The following RBFOX1 variants were observed in gnomAD, a reference collection of about 807,000 sequenced individuals.
RBFOX1 encodes the protein RNA binding protein fox-1 homolog 1.
A neutral mutation model predicts 57.7 loss-of-function variants in RBFOX1; 8 were observed. The ratio of observed to expected loss-of-function variants is 0.14; its 90% CI spans 0.08 to 0.25. The LOEUF (loss-of-function observed/expected upper bound fraction) is 0.25. Ranked by LOEUF, RBFOX1 falls within the 10% of genes least tolerant of loss-of-function variation. The pLI, the probability that RBFOX1 is intolerant of heterozygous loss-of-function variation, is 1.00. For synonymous variants in RBFOX1, 326 were observed against 222.4 expected (o/e 1.47, Z -4.15); for missense variants, 611 against 548.5 (o/e 1.11, Z -1.14).
intron 3 of RBFOX1, among the ~76,000 whole-genome samples, chr16:5,616,980 C>G (rs900704472): frequency 2.6e-5 from 4 of 150,986 alleles, no homozygotes; most frequent in African/African-American, 9.8e-5. Flanking sequence ...TTATTTGTTC[C>G]AAGTGAAACT....
chr16:7,337,920 T>A (rs548804137), intron 4 of RBFOX1, among the ~76,000 whole-genome samples: 1 of 152,344 alleles, frequency 6.6e-6, no homozygotes, highest in South Asian at 2.1e-4. Flanking sequence ...CTTGACCTCA[T>A]GATCTGCCCG....
chr16:6,715,591 T>C (rs1344871849), intron 3 of RBFOX1, among the ~76,000 whole-genome samples: 4 of 152,158 alleles, frequency 2.6e-5, no homozygotes, highest in Admixed American at 6.5e-5. Context: ...AGAATCCAGA[T>C]TGGCTGAGCT....
chr16:6,761,871 C>G (rs2076658546), intron 3 of RBFOX1, among the ~76,000 whole-genome samples: 1 of 152,038 alleles, frequency 6.6e-6, no homozygotes, highest in South Asian at 2.1e-4. Flanking sequence ...ATCTCTCATT[C>G]CAAGCAGGTA....
chr16:6,649,910 G>T (rs1055408637), intron 2 of RBFOX1, among the ~76,000 whole-genome samples: 2 of 152,040 alleles, frequency 1.3e-5, no homozygotes, highest in Admixed American at 1.3e-4. Context: ...TCTACTTGTG[G>T]ATTGGTGGGC....
At chr16:6,421,646 C>G (rs1543887) in intron 2 of RBFOX1, among the ~76,000 whole-genome samples, 4 of 152,014 alleles carry the variant, frequency 2.6e-5, no homozygotes, top group African/African-American at 7.2e-5. Context: ...ACGAATGACA[C>G]TGGCACAGAA....
intron 2 of RBFOX1, among the ~76,000 whole-genome samples, chr16:5,516,978 C>G (rs2043815171): frequency 6.6e-6 from 1 of 151,724 alleles, no homozygotes; most frequent in Admixed American, 6.6e-5. Flanking sequence ...TAATACGACT[C>G]TTCTCCTGAC....
At chr16:7,012,930 T>G (rs2093721535) in intron 3 of RBFOX1, among the ~76,000 whole-genome samples, 1 of 152,116 alleles carries the variant, frequency 6.6e-6, no homozygotes, top group South Asian at 2.1e-4. Context: ...CAGGTCCTGG[T>G]GGAGGCTCTC....
intron 11 of RBFOX1, among the ~76,000 whole-genome samples, chr16:7,639,083 CTT>C (rs1318330031): frequency 1.3e-4 from 20 of 152,158 alleles, no homozygotes; most frequent in South Asian, 4.1e-4. Flanking sequence ...ATGATCTTGA[CTT>C]AAATTTGATC....
At chr16:5,871,502 C>T (rs1046305081) in intron 4 of RBFOX1, among the ~76,000 whole-genome samples, 2 of 152,198 alleles carry the variant, frequency 1.3e-5, no homozygotes, top group African/African-American at 4.8e-5. Context: ...ATCATTAAGC[C>T]TGTTTTATCG....
rs1043067457 is a variant in RBFOX1, at chr16:7,423,183, C to G, written c.28-94964C>G. Among the ~76,000 whole-genome samples the G allele has an allele frequency of 3.3e-5, 5 of 152,040 alleles. No individual in the cohort carries two copies. In the South Asian group the frequency reaches 8.3e-4, roughly 25 times the overall value. On this transcript the variant is annotated intron_variant, in intron 4 of 15. Coordinates refer to ENST00000550418, the MANE Select transcript of RBFOX1 (RefSeq NM_018723.4). ...AGCCCTGCTGTATTTTAATCATAGA[C>G]TTGGCCTTCTTTTAGGAGTGACCCA...
Position 6,572,870 on chromosome 16 carries a change from A to C in RBFOX1, c.-63-81733A>C, listed in dbSNP as rs527637274. ...TCGCCTCCCAAAGTGTTGGGATTTC[A>C]GGAGTGATCCCGCATGCCCAGCCAT... On this transcript the variant is annotated intron_variant, in intron 2 of 15. Coordinates refer to ENST00000550418, the MANE Select transcript of RBFOX1 (RefSeq NM_018723.4). 1.6e-4 allele frequency among the ~76,000 whole-genome samples: 24 copies of C among 152,258 alleles called. No individual in the cohort carries two copies. In the East Asian group the frequency reaches 4.6e-3, roughly 29 times the overall value.
At chr16:7,001,815 T>C (rs2092834167) in intron 3 of RBFOX1, among the ~76,000 whole-genome samples, 1 of 152,194 alleles carries the variant, frequency 6.6e-6, no homozygotes, top group African/African-American at 2.4e-5. Context: ...TGGGAGATTT[T>C]GTGAACATCT....
At position 6,987,476 on chromosome 16, in the gene RBFOX1, C is replaced by G. The variant is rs1290175151; in HGVS notation, c.-15-64581C>G. Reference sequence around the variant, plus strand: ...TTTCAGACACACACACACACACACACACACACACACACACACACACACACA... The same window carrying G: ...TTTCAGACACACACACACACACACAGACACACACACACACACACACACACA... On this transcript the variant is annotated intron_variant, in intron 3 of 15. Coordinates refer to ENST00000550418, the MANE Select transcript of RBFOX1 (RefSeq NM_018723.4). 2.6e-5 allele frequency among the ~76,000 whole-genome samples: 3 copies of G among 114,878 alleles called. No individual in the cohort carries two copies. In the East Asian group the frequency reaches 1.1e-3, roughly 42 times the overall value. 75.4% of individuals were successfully genotyped at this position (114,878 alleles called of 152,430 possible).
intron 4 of RBFOX1, among the ~76,000 whole-genome samples, chr16:7,386,342 C>T (rs983728477): frequency 1.3e-5 from 2 of 152,102 alleles, no homozygotes; most frequent in African/African-American, 4.8e-5. Flanking sequence ...ATCACCCCGT[C>T]ATCTACATTA....
At chr16:6,480,501 C>A (rs903617676) in intron 2 of RBFOX1, among the ~76,000 whole-genome samples, 2 of 152,170 alleles carry the variant, frequency 1.3e-5, no homozygotes, top group South Asian at 4.1e-4. Flanking sequence ...AAATATTATT[C>A]TTCTTTTGAC....
chr16:5,763,916 C>A (rs1010343977), intron 3 of RBFOX1, among the ~76,000 whole-genome samples: 3 of 152,194 alleles, frequency 2.0e-5, no homozygotes. Context: ...ATGTATCCCG[C>A]CCTGGCATTA....
At chr16:7,032,209 G>C (rs1293223584) in intron 3 of RBFOX1, among the ~76,000 whole-genome samples, 2 of 152,104 alleles carry the variant, frequency 1.3e-5, no homozygotes, top group Non-Finnish European at 2.9e-5. Context: ...CGGATCGCTT[G>C]AGGTCAGGAG....
intron 3 of RBFOX1, among the ~76,000 whole-genome samples, chr16:5,675,462 C>A (rs932560745): frequency 1.3e-5 from 2 of 152,182 alleles, no homozygotes; most frequent in African/African-American, 2.4e-5. Context: ...ACTCAGCTCA[C>A]GTGCCCAGTG....
chr16:6,085,153 C>T (rs1296389091), intron 1 of RBFOX1, among the ~76,000 whole-genome samples: 2 of 152,174 alleles, frequency 1.3e-5, no homozygotes, highest in East Asian at 1.9e-4. Flanking sequence ...GCATGTTCTT[C>T]CTCCACAACT....
Sources: gnomAD v4.1 joint callset for allele counts (sites outside exome capture counted in the v4.1 genomes callset) on GRCh38, gnomAD v4.1.1 for gene constraint, MANE v1.5 for transcripts, NCBI Gene and HGNC (gene_info 2026-07-23, HGNC 2026-07-21) for gene names.